The following DLD variants were observed in gnomAD, a reference collection of about 807,000 sequenced individuals.
DLD encodes dihydrolipoamide dehydrogenase.
In DLD, 36 loss-of-function variants were observed where a neutral mutation model predicts 62.2. The ratio of observed to expected loss-of-function variants is 0.58; its 90% CI spans 0.44 to 0.76. The LOEUF (loss-of-function observed/expected upper bound fraction) is 0.76. Ranked by LOEUF, DLD falls within the 30% of genes least tolerant of loss-of-function variation. The probability of loss-of-function intolerance (pLI) is 0.00; values close to 1 mark genes in which losing one functional copy is unlikely to be tolerated. For synonymous variants in DLD, 204 were observed against 199.6 expected, an observed-to-expected ratio of 1.02 and a Z score of -0.19; for missense variants, 541 against 608.6, an observed-to-expected ratio of 0.89 and a Z score of 1.17.
intron 8 of DLD, among the ~76,000 whole-genome samples, chr7:107,914,495 T>C (rs918410388): frequency 4.6e-5 from 7 of 152,172 alleles, no homozygotes; most frequent in African/African-American, 1.7e-4. Flanking sequence ...TTCTGGAAGT[T>C]TCATAGTATT....
chr7:107,906,883 A>G (rs935146346), intron 8 of DLD, among the ~76,000 whole-genome samples: 5 of 152,076 alleles, frequency 3.3e-5, no homozygotes, highest in East Asian at 1.9e-4. Context: ...CACATTTCCA[A>G]TGACCTCCCT....
chr7:107,898,635 G>A lies in DLD; in HGVS notation c.119-3103G>A, dbSNP rs148629243. 2.8e-3 allele frequency among the ~76,000 whole-genome samples: 419 copies of A among 149,792 alleles called. 2 individuals carry two copies. The highest frequency in any genetic ancestry group is 0.01 in the African/African-American group (407 of 40,584). On this transcript the variant is annotated intron_variant, in intron 2 of 13. Coordinates refer to ENST00000205402, the MANE Select transcript of DLD (RefSeq NM_000108.5). ...AGACAGAGTCTTGCACTGTCGCCCA[G>A]GCTGGAGTGCAGTGGCGTGATCTCG...
At chr7:107,918,186 TC>T in intron 12 of DLD, 125 bp downstream of exon 12, 1 of 1,007,574 alleles carries the variant, frequency 9.9e-7, no homozygotes, top group Non-Finnish European at 1.5e-6. Flanking sequence ...AATATGGCTC[TC>T]TGTGCATCAT....
chr7:107,918,078 C>T lies in DLD; in HGVS notation c.1374+17C>T, dbSNP rs970864550. The T allele has an allele frequency of 1.2e-6, 2 of 1,613,552 alleles. No homozygotes were observed. Among genetic ancestry groups the T allele is most frequent in the Non-Finnish European group, 8.5e-7 (1 of 1,179,568 alleles). ...CTTGGACCAGTGAGTATTGTAAAAC[C>T]AGAGAAATCCCATTAAGATTTCTAG... On this transcript the variant is annotated intron_variant, in intron 12 of 13. Transcript: ENST00000205402.
In DLD at chr7:107,916,935, C is replaced by T. The variant is rs1440496050; in HGVS notation, c.1017C>T (p.Val339=). The T allele has an allele frequency of 6.2e-7, 1 of 1,613,682 alleles. No homozygotes were observed. Among genetic ancestry groups the T allele is most frequent in the Non-Finnish European group, 8.5e-7 (1 of 1,179,932 alleles). ...IELDPRGRIP[V]NTRFQTKIPN... ...TAGATCCCAGAGGTAGAATTCCAGT[C>T]AATACCAGATTTCAAACTAAAATTC... is the stretch of plus-strand genomic sequence containing the variant. The change falls in exon 10 of 14, where the codon GTC becomes GTT. Residue 339 remains valine (V), a synonymous_variant. Transcript: ENST00000205402.
intron 8 of DLD, 118 bp from the exon 9 acceptor site, chr7:107,915,388 C>G: frequency 1.9e-6 from 2 of 1,075,174 alleles, no homozygotes; most frequent in Non-Finnish European, 2.7e-6. Flanking sequence ...CTCGGAGCTT[C>G]TCATAGGAAC....
intron 8 of DLD, among the ~76,000 whole-genome samples, chr7:107,912,489 T>G (rs1219538598): frequency 2.0e-5 from 3 of 152,150 alleles, no homozygotes; most frequent in South Asian, 2.1e-4. Context: ...TTGTCAGCAT[T>G]TGTTATTGCG....
At chr7:107,892,531 C>CTTTA (rs10680033) in intron 1 of DLD, among the ~76,000 whole-genome samples, 70,520 of 149,544 alleles carry the variant, frequency 0.47, 17,154 homozygotes, top group East Asian at 0.75. Flanking sequence ...ACTTTCAGAG[C>CTTTA]TTTATTTATT....
Position 107,919,004 on chromosome 7 carries a change from T to C in DLD, c.1375-6T>C. On this transcript the variant is annotated splice_polypyrimidine_tract_variant and splice_region_variant and intron_variant, in intron 12 of 13. Coordinates refer to ENST00000205402, the MANE Select transcript of DLD (RefSeq NM_000108.5). ...AAGCAAATTTACTTGGCTTGTTATT[T>C]TAAAGGGTGCTGGAGAAATGGTAAA... is the stretch of plus-strand genomic sequence containing the variant. The C allele has an allele frequency of 6.2e-7, 1 of 1,613,604 alleles. No individual in the cohort carries two copies. Among genetic ancestry groups the C allele is most frequent in the South Asian group, 1.1e-5 (1 of 91,072 alleles).
rs1398329182 is a variant in DLD at position 107,907,715 on chromosome 7, A to G, written c.684+1347A>G. On this transcript the variant is annotated intron_variant, in intron 8 of 13. Transcript: ENST00000205402. ...ACTCCTTCCTTTTATTTACAATTTC[A>G]TGTGCTTCTATGTGTGTACCTGTGA... is the stretch of plus-strand genomic sequence containing the variant. Among the ~76,000 whole-genome samples, 2 of 152,154 alleles carry G rather than the reference A, an allele frequency of 1.3e-5. 1 individual carries two copies. Among genetic ancestry groups the G allele is most frequent in the South Asian group, 4.1e-4 (2 of 4,830 alleles).
chr7:107,904,348 A>G (rs541026173), intron 5 of DLD, among the ~76,000 whole-genome samples: 73 of 152,304 alleles, frequency 4.8e-4, no homozygotes, highest in African/African-American at 1.7e-3. Context: ...TAAATCAGAA[A>G]TCTCTCAGAG....
chr7:107,903,096 G>T (rs1467733192), intron 4 of DLD, among the ~76,000 whole-genome samples: 1 of 152,098 alleles, frequency 6.6e-6, no homozygotes, highest in Non-Finnish European at 1.5e-5. Context: ...TTTGTGATGA[G>T]AACATTTGAA....
chr7:107,904,215 C>A (rs2031948173), intron 5 of DLD, among the ~76,000 whole-genome samples: 1 of 152,014 alleles, frequency 6.6e-6, no homozygotes. Flanking sequence ...TGTATATGCA[C>A]TAAAGCAAAT....
At chr7:107,903,120 C>T (rs549513230) in intron 4 of DLD, among the ~76,000 whole-genome samples, 6 of 152,156 alleles carry the variant, frequency 3.9e-5, no homozygotes, top group African/African-American at 7.2e-5. Flanking sequence ...GAATATCGGC[C>T]GGGCGCGGTG....
intron 8 of DLD, among the ~76,000 whole-genome samples, chr7:107,906,719 A>G (rs1036570818): frequency 6.6e-6 from 1 of 152,170 alleles, no homozygotes; most frequent in African/African-American, 2.4e-5. Flanking sequence ...ACCATCACAT[A>G]CATGATTTGG....
At chr7:107,897,424 A>G (rs1034362269) in intron 2 of DLD, among the ~76,000 whole-genome samples, 1 of 152,252 alleles carries the variant, frequency 6.6e-6, no homozygotes, top group Non-Finnish European at 1.5e-5. Context: ...CAAATTATTT[A>G]GTTGTTTTCA....
intron 8 of DLD, among the ~76,000 whole-genome samples, chr7:107,912,778 G>T (rs1166079314): frequency 6.6e-6 from 1 of 151,910 alleles, no homozygotes; most frequent in Non-Finnish European, 1.5e-5. Flanking sequence ...TGTTTCCTTG[G>T]CTGTGCAAAA....
intron 2 of DLD, among the ~76,000 whole-genome samples, chr7:107,900,993 T>C (rs532096945): frequency 6.6e-6 from 1 of 152,270 alleles, no homozygotes; most frequent in East Asian, 1.9e-4. Context: ...CTCCTAAGGA[T>C]ACTGATCAAA....
At position 107,920,219 on chromosome 7, in the gene DLD, CTGTT is replaced by C. The variant is rs2032375875; in HGVS notation, c.*962_*965del. The C allele has an allele frequency of 6.6e-6, 1 of 152,200 alleles. No homozygotes were observed. Among genetic ancestry groups the C allele is most frequent in the African/African-American group, 2.4e-5 (1 of 41,384 alleles). The allele number at this position is 152,200 out of a possible 1,614,324, so 9.4% of individuals were successfully genotyped here. A position where few individuals can be genotyped will look rare whatever the true frequency, so the allele number is the denominator to read the frequency against. ...GTGTTTTCCTTGGCTGGGTTAATGA[CTGTT>C]TATTTAAAGAGTGTTGTAAAATTGG... On this transcript the variant is annotated 3_prime_UTR_variant, in exon 14 of 14. Coordinates refer to ENST00000205402, the MANE Select transcript of DLD (RefSeq NM_000108.5).
Sources: gnomAD v4.1 joint callset for allele counts (sites outside exome capture counted in the v4.1 genomes callset) on GRCh38, gnomAD v4.1.1 for gene constraint, MANE v1.5 for transcripts, NCBI Gene and HGNC (gene_info 2026-07-23, HGNC 2026-07-21) for gene names.